TANC1: variants seen among roughly 807,000 people sequenced by gnomAD.
TANC1 encodes protein TANC1.
TANC1 carries 77 observed loss-of-function variants against 149.7 expected under a neutral mutation model. That is an observed-to-expected ratio of 0.51 (90% CI 0.43 to 0.62). TANC1 has a LOEUF of 0.62. Ranked by LOEUF, TANC1 falls within the 20% of genes least tolerant of loss-of-function variation. The probability of loss-of-function intolerance (pLI) is 0.00; values close to 1 mark genes in which losing one functional copy is unlikely to be tolerated. For missense variants in TANC1, 1,985 were observed against 2,321.8 expected (o/e 0.85, Z 2.98); for synonymous variants, 854 against 925.0 (o/e 0.92, Z 1.39).
intron 19 of TANC1, among the ~76,000 whole-genome samples, chr2:159,203,204 C>T (rs6432516): frequency 0.78 from 103,728 of 132,884 alleles, 37,815 homozygotes; most frequent in East Asian, 0.99. Flanking sequence ...ATAGGCTTTT[C>T]TTTTCTTTTT....
Position 159,159,691 on chromosome 2 carries a change from C to CGTGTGTGTGT in TANC1, c.683-3574_683-3565dup, listed in dbSNP as rs371748384. Among the ~76,000 whole-genome samples, 29 of 118,030 alleles carry CGTGTGTGTGT rather than the reference C, an allele frequency of 2.5e-4. 2 individuals carry two copies. The highest frequency in any genetic ancestry group is 9.0e-4 in the South Asian group (3 of 3,330). The allele number at this position is 118,030 out of a possible 152,430, so 77.4% of individuals were successfully genotyped here. A position where few individuals can be genotyped will look rare whatever the true frequency, so the allele number is the denominator to read the frequency against. ...ATACCACTAATTGTGCATACACATA[C>CGTGTGTGTGT]GTGTGTGTGTGTGTGTGTGTGTGTG... On this transcript the variant is annotated intron_variant, in intron 7 of 26. Coordinates refer to ENST00000263635, the MANE Select transcript of TANC1 (RefSeq NM_033394.3).
chr2:159,093,212 T>C (rs901670272), intron 3 of TANC1, among the ~76,000 whole-genome samples: 1 of 152,224 alleles, frequency 6.6e-6, no homozygotes, highest in Non-Finnish European at 1.5e-5. Flanking sequence ...GGAAGGGTGA[T>C]TGAAATGTGC....
At chr2:159,033,042 G>C (rs781658738) in intron 2 of TANC1, among the ~76,000 whole-genome samples, 1 of 152,146 alleles carries the variant, frequency 6.6e-6, no homozygotes, top group South Asian at 2.1e-4. Context: ...AGCCTTGGCC[G>C]GTCCGTCAGC....
At chr2:159,056,990 A>T (rs16843637) in intron 2 of TANC1, 16,153 of 175,458 alleles carry the variant, frequency 0.092, 799 homozygotes, top group Middle Eastern at 0.11. Flanking sequence ...GCACGATATG[A>T]TGATGCTACT....
chr2:159,047,449 G>T (rs1308391217), intron 2 of TANC1, among the ~76,000 whole-genome samples: 1 of 151,618 alleles, frequency 6.6e-6, no homozygotes, highest in Non-Finnish European at 1.5e-5. Context: ...CCCCCAAATC[G>T]CTAAAGCTAA....
rs768193998 is a variant in TANC1, at chr2:159,219,260, G to A, written c.3401G>A (p.Arg1134His). 11 of 1,614,048 alleles carry A rather than the reference G, an allele frequency of 6.8e-6. No individual in the cohort carries two copies. Among genetic ancestry groups the A allele is most frequent in the Middle Eastern group, 1.6e-4 (1 of 6,084 alleles). Residue 1134 changes from arginine to histidine, a missense_variant, in exon 21 of 27, where the codon CGC becomes CAC. Physicochemically the swap from Arg to His is conservative, Grantham distance 29. Transcript: ENST00000263635. ...HWQIVRLLLE[R>H]GCDVNLSDKQ... is the part of the protein sequence containing the mutation. ...CAGATTGTTAGACTGCTGTTGGAAC[G>A]CGGCTGTGATGTGAACCTAAGTGAC... is the stretch of plus-strand genomic sequence containing the variant.
chr2:159,230,567 C>T lies in TANC1; in HGVS notation c.5141C>T (p.Ala1714Val), dbSNP rs1331771232. ...KVVTHVQSGTAEHRPRNTPFM... is the reference protein window; with the variant it reads ...KVVTHVQSGTVEHRPRNTPFM... ...GTAACCCACGTTCAGAGCGGTACAGCTGAGCACAGACCCCGCAACACGCCG... is the reference window on the plus strand; with the variant it reads ...GTAACCCACGTTCAGAGCGGTACAGTTGAGCACAGACCCCGCAACACGCCG... Residue 1714 changes from alanine to valine, a missense_variant, in exon 27 of 27, where the codon GCT (alanine) becomes GTT (valine). Ala to Val is a moderately conservative substitution (Grantham distance 64, BLOSUM62 0). Transcript: ENST00000263635. This position sits in a 1 kb window ranked among gnomAD's most constrained non-coding sequence, Gnocchi z 4.4. 6.2e-7 allele frequency: 1 copy of T among 1,614,198 alleles called. No homozygotes were observed. The highest frequency in any genetic ancestry group is 8.5e-7 in the Non-Finnish European group (1 of 1,180,030).
At chr2:159,212,063 C>G (rs1465174600) in intron 19 of TANC1, among the ~76,000 whole-genome samples, 1 of 152,220 alleles carries the variant, frequency 6.6e-6, no homozygotes, top group East Asian at 1.9e-4. Flanking sequence ...GCTGCTGTTG[C>G]AAAAATTCAG....
chr2:159,219,550 C>A, intron 21 of TANC1, 142 bp from the exon 22 acceptor site: 3 of 1,277,036 alleles, frequency 2.3e-6, no homozygotes, highest in Non-Finnish European at 2.2e-6. Flanking sequence ...ACCATTCTGC[C>A]AGCCCATCCG....
intron 23 of TANC1, 102 bp from the exon 24 acceptor site, chr2:159,225,586 G>C (rs544428107): frequency 1.2e-6 from 1 of 847,120 alleles, no homozygotes; most frequent in Admixed American, 1.9e-5. Flanking sequence ...CCTTGCAGCT[G>C]GGCTCCTGCT....
At chr2:159,023,382 A>T (rs1341629764) in intron 2 of TANC1, among the ~76,000 whole-genome samples, 1 of 151,192 alleles carries the variant, frequency 6.6e-6, no homozygotes, top group African/African-American at 2.4e-5. Flanking sequence ...TCGCTCTGTC[A>T]CCCAGGCTGG....
At chr2:159,011,655 C>T (rs1426784770) in intron 2 of TANC1, among the ~76,000 whole-genome samples, 6 of 151,732 alleles carry the variant, frequency 4.0e-5, no homozygotes, top group African/African-American at 1.2e-4. Flanking sequence ...CCCTCCTTAG[C>T]CTCCTGAGTA....
At position 159,081,282 on chromosome 2, in the gene TANC1, T is replaced by G. The variant is rs533257081; in HGVS notation, c.61+15311T>G. On this transcript the variant is annotated intron_variant, in intron 3 of 26. Transcript: ENST00000263635. Reference sequence around the variant, plus strand: ...GTGTCCATCCCTCATGTAATGGTGGTTTCTGGCCCAAAGTGAGACTGTCCT... The same window carrying G: ...GTGTCCATCCCTCATGTAATGGTGGGTTCTGGCCCAAAGTGAGACTGTCCT... Among the ~76,000 whole-genome samples the G allele has an allele frequency of 3.9e-5, 6 of 152,240 alleles. 1 individual carries two copies. In the Middle Eastern group the frequency reaches 0.017, roughly 432 times the overall value.
At chr2:159,029,828 T>G (rs555065986) in intron 2 of TANC1, among the ~76,000 whole-genome samples, 60 of 152,276 alleles carry the variant, frequency 3.9e-4, no homozygotes, top group African/African-American at 1.4e-3. Context: ...CCCAAGTAGC[T>G]AGGTCTACAC....
At chr2:159,051,761 A>C (rs2041493054) in intron 2 of TANC1, among the ~76,000 whole-genome samples, 1 of 151,934 alleles carries the variant, frequency 6.6e-6, no homozygotes, top group Non-Finnish European at 1.5e-5. Context: ...CCAGAACTGC[A>C]CGAGGCTTGC....
intron 8 of TANC1, among the ~76,000 whole-genome samples, chr2:159,163,968 G>A (rs2054314060): frequency 6.6e-6 from 1 of 152,180 alleles, no homozygotes; most frequent in Non-Finnish European, 1.5e-5. Context: ...GAGGCCGATT[G>A]TACAGGCAAG....
intron 3 of TANC1, among the ~76,000 whole-genome samples, chr2:159,091,663 A>T (rs1451237526): frequency 6.6e-6 from 1 of 152,206 alleles, no homozygotes; most frequent in Non-Finnish European, 1.5e-5. Flanking sequence ...TTTAGATCCC[A>T]CTGGGTGGAT....
At chr2:159,073,896 A>G (rs142261176) in intron 3 of TANC1, among the ~76,000 whole-genome samples, 2,242 of 152,310 alleles carry the variant, frequency 0.015, 17 homozygotes, top group Non-Finnish European at 0.023. Context: ...ATTCTGAAGT[A>G]GATTGGCTTT....
chr2:159,159,715 T>A (rs548352612), intron 7 of TANC1, among the ~76,000 whole-genome samples: 4,139 of 61,260 alleles, frequency 0.068, 103 homozygotes, highest in Admixed American at 0.23. Context: ...TGTGTGTGTG[T>A]GTGAGAGAGA....
Sources: allele counts gnomAD v4.1 joint callset (sites outside exome capture counted in the v4.1 genomes callset), GRCh38; gene constraint gnomAD v4.1.1; non-coding constraint Gnocchi (gnomAD v3.1); transcripts MANE v1.5; gene names NCBI Gene and HGNC (gene_info 2026-07-23, HGNC 2026-07-21).